Variants in C19orf81 observed in about 807,000 individuals in gnomAD.
The protein encoded by C19orf81 is putative uncharacterized protein C19orf81.
In C19orf81, 19 loss-of-function variants were observed where a neutral mutation model predicts 22.1. That is an observed-to-expected ratio of 0.86 (90% confidence interval 0.60 to 1.26). The LOEUF (loss-of-function observed/expected upper bound fraction) is 1.26, where lower values mean the gene tolerates loss of function less well. C19orf81 is among the 50% of genes most tolerant of loss of function. C19orf81 has a pLI of 0.00. For missense variants in C19orf81, 287 were observed against 280.7 expected (o/e 1.02, Z -0.16); for synonymous variants, 108 against 113.1 (o/e 0.95, Z 0.29).
intron 1 of C19orf81, among the ~76,000 whole-genome samples, chr19:50,652,998 G>C (rs1207800155): frequency 6.6e-6 from 1 of 152,162 alleles, no homozygotes; most frequent in African/African-American, 2.4e-5. Context: ...TACCTCGGAA[G>C]GTTGTTGTGA....
chr19:50,652,710 CACAG>C (rs1279571107), intron 1 of C19orf81, among the ~76,000 whole-genome samples: 5 of 152,154 alleles, frequency 3.3e-5, no homozygotes, highest in African/African-American at 1.2e-4. Flanking sequence ...TTATTCATCC[CACAG>C]ACAATGAAAA....
At chr19:50,650,904 C>T (rs141174779) in intron 1 of C19orf81, among the ~76,000 whole-genome samples, 228 of 152,332 alleles carry the variant, frequency 1.5e-3, no homozygotes, top group African/African-American at 5.0e-3. Context: ...GAGGCACCCA[C>T]GTGACATGTA....
intron 3 of C19orf81, among the ~76,000 whole-genome samples, chr19:50,656,948 TC>T (rs1485491413): frequency 9.1e-6 from 1 of 110,220 alleles, no homozygotes; most frequent in African/African-American, 4.2e-5. Context: ...TGAGACTCTG[TC>T]AAAAAAAAAA....
chr19:50,652,835 A>G lies in C19orf81; in HGVS notation c.68-3215A>G, dbSNP rs139611091. Among the ~76,000 whole-genome samples, 18 of 152,202 alleles carry G rather than the reference A, an allele frequency of 1.2e-4. 1 individual carries two copies. Among genetic ancestry groups the G allele is most frequent in the Admixed American group, 2.0e-4 (3 of 15,292 alleles). The stretch of plus-strand genomic sequence containing the variant: ...GGAGTTAGGAGACCAGGTGAGAGTG[A>G]GGTGAGAGGAAGGCACCTGGGGAGA... On this transcript the variant is annotated intron_variant, in intron 1 of 4. Transcript: ENST00000425202.
intron 1 of C19orf81, 155 bp downstream of exon 1, chr19:50,649,666 G>A (rs1174252583): frequency 1.2e-6 from 1 of 858,788 alleles, no homozygotes; most frequent in African/African-American, 1.7e-5. Context: ...CCTGGAGAGC[G>A]GCCCCCTTGG....
chr19:50,659,296 C>T lies in C19orf81; in HGVS notation c.*154C>T, dbSNP rs926414522. 8.5e-6 allele frequency: 5 copies of T among 586,556 alleles called. No individual in the cohort carries two copies. Among genetic ancestry groups the T allele is most frequent in the Non-Finnish European group, 1.3e-5 (5 of 397,984 alleles). The allele number at this position is 586,556 out of a possible 1,614,324, so 36.3% of individuals were successfully genotyped here. On this transcript the variant is annotated 3_prime_UTR_variant, in exon 5 of 5. Coordinates refer to ENST00000425202, the MANE Select transcript of C19orf81 (RefSeq NM_001195076.2). ...TGTGAGTTTAATTATAAAGAATGAC[C>T]TGGTACAAAAGCCATTTCTCTCTGC...
Position 50,658,141 on chromosome 19 carries a change from C to T in C19orf81, c.401+13C>T, listed in dbSNP as rs1985040201. 2 of 1,520,286 alleles carry T rather than the reference C, an allele frequency of 1.3e-6. No homozygotes were observed. The highest frequency in any genetic ancestry group is 1.8e-6 in the Non-Finnish European group (2 of 1,139,358). The allele number at this position is 1,520,286 out of a possible 1,614,324, so 94.2% of individuals were successfully genotyped here. On this transcript the variant is annotated intron_variant, in intron 4 of 4. Transcript: ENST00000425202. ...GGCGCCGGAACCGGTGAGTAAGCGG[C>T]GGGGGCGGGGCCTGGAGCGAGCGGG...
intron 4 of C19orf81, 32 bp downstream of exon 4, chr19:50,658,160 G>A: frequency 6.6e-7 from 1 of 1,516,410 alleles, no homozygotes; most frequent in Non-Finnish European, 8.8e-7. Context: ...GGCCTGGAGC[G>A]AGCGGGAGGG....
At chr19:50,654,813 G>A (rs1285519553) in intron 1 of C19orf81, among the ~76,000 whole-genome samples, 4 of 151,174 alleles carry the variant, frequency 2.6e-5, no homozygotes, top group Non-Finnish European at 4.4e-5. Flanking sequence ...ATTTTTTTTT[G>A]TAGAGATAGG....
In C19orf81 at chr19:50,659,089, G is replaced by C. The variant is rs908818056; in HGVS notation, c.544G>C (p.Val182Leu). 4.0e-6 allele frequency: 6 copies of C among 1,503,434 alleles called. No homozygotes were observed. In the African/African-American group the frequency reaches 5.7e-5, roughly 14 times the overall value. The allele number at this position is 1,503,434 out of a possible 1,614,324, so 93.1% of individuals were successfully genotyped here. The stretch of plus-strand genomic sequence containing the variant: ...CCGCCTGCACCTGCGCCGCTCCCTG[G>C]TCCGGCGGCGCATGCTCGAGGCCCT... ...DYRLHLRRSL[V>L]RRRMLEALGA... The change falls in exon 5 of 5, where the codon GTC becomes CTC. Residue 182 changes from valine (V) to leucine (L), a missense_variant. Val to Leu is a conservative substitution (Grantham distance 32). Transcript: ENST00000425202.
intron 1 of C19orf81, chr19:50,649,766 A>T: frequency 1.6e-6 from 1 of 611,624 alleles, no homozygotes; most frequent in Non-Finnish European, 3.1e-6. Context: ...TCTGGGGCCT[A>T]AGCAACACCT....
At position 50,656,357 on chromosome 19, in the gene C19orf81, C is replaced by T. The variant is rs1331904217; in HGVS notation, c.261+11C>T. 2 of 1,530,558 alleles carry T rather than the reference C, an allele frequency of 1.3e-6. No homozygotes were observed. The highest frequency in any genetic ancestry group is 1.7e-6 in the Non-Finnish European group (2 of 1,143,256). The allele number at this position is 1,530,558 out of a possible 1,614,324, so 94.8% of individuals were successfully genotyped here. A position where few individuals can be genotyped will look rare whatever the true frequency, so the allele number is the denominator to read the frequency against. On this transcript the variant is annotated intron_variant, in intron 3 of 4. Coordinates refer to ENST00000425202, the MANE Select transcript of C19orf81 (RefSeq NM_001195076.2). ...TGCATGGAGACCTTGGTGAGTGGAC[C>T]TGTGCCCTTATTTTCTGCACAGTTT...
In C19orf81 at chr19:50,659,160, G is replaced by A; in HGVS notation, c.*18G>A. ...AGGCCTGACGCCCGGGCGGGCCCCG[G>A]CAGCGCTTGCGCACCGCCCCGCGGG... On this transcript the variant is annotated 3_prime_UTR_variant, in exon 5 of 5. Transcript: ENST00000425202. The A allele has an allele frequency of 7.7e-7, 1 of 1,301,492 alleles. No individual in the cohort carries two copies. The highest frequency in any genetic ancestry group is 9.7e-7 in the Non-Finnish European group (1 of 1,026,496). 80.6% of individuals were successfully genotyped at this position (1,301,492 alleles called of 1,614,324 possible). A position where few individuals can be genotyped will look rare whatever the true frequency, so the allele number is the denominator to read the frequency against.
Position 50,656,213 on chromosome 19 carries a change from G to C in C19orf81, c.141-13G>C. On this transcript the variant is annotated splice_polypyrimidine_tract_variant and intron_variant, in intron 2 of 4. Coordinates refer to ENST00000425202, the MANE Select transcript of C19orf81 (RefSeq NM_001195076.2). ...TGACCTCAGAGGTCCCTGCCTGTTC[G>C]CTCTCTCCCTAGAAAGCAGTACCTG... is the stretch of plus-strand genomic sequence containing the variant. The C allele has an allele frequency of 1.3e-6, 2 of 1,536,010 alleles. No homozygotes were observed. The highest frequency in any genetic ancestry group is 1.7e-6 in the Non-Finnish European group (2 of 1,146,806).
Position 50,659,143 on chromosome 19 carries a change from C to A in C19orf81, c.*1C>A. ...GGCGGAGCCGAACGAGGAGGCCTGA[C>A]GCCCGGGCGGGCCCCGGCAGCGCTT... is the stretch of plus-strand genomic sequence containing the variant. On this transcript the variant is annotated 3_prime_UTR_variant, in exon 5 of 5. Transcript: ENST00000425202. 1 of 1,339,182 alleles carries A rather than the reference C, an allele frequency of 7.5e-7. No individual in the cohort carries two copies. Among genetic ancestry groups the A allele is most frequent in the East Asian group, 3.1e-5 (1 of 32,372 alleles). 83.0% of individuals were successfully genotyped at this position (1,339,182 alleles called of 1,614,324 possible). A position where few individuals can be genotyped will look rare whatever the true frequency, so the allele number is the denominator to read the frequency against.
At chr19:50,654,466 C>CT (rs971678795) in intron 1 of C19orf81, among the ~76,000 whole-genome samples, 82 of 150,386 alleles carry the variant, frequency 5.5e-4, no homozygotes, top group African/African-American at 2.0e-3. Context: ...ACACACCCGG[C>CT]TTTTTTGTAT....
At chr19:50,653,787 G>A (rs1227797405) in intron 1 of C19orf81, among the ~76,000 whole-genome samples, 4 of 150,222 alleles carry the variant, frequency 2.7e-5, no homozygotes, top group Non-Finnish European at 5.9e-5. Flanking sequence ...TGTTAGAGCC[G>A]GGCTGTGTCA....
At position 50,656,302 on chromosome 19, in the gene C19orf81, A is replaced by C; in HGVS notation, c.217A>C (p.Thr73Pro). 1 of 1,536,152 alleles carries C rather than the reference A, an allele frequency of 6.5e-7. No individual in the cohort carries two copies. The highest frequency in any genetic ancestry group is 1.2e-5 in the South Asian group (1 of 84,054). The change falls in exon 3 of 5, where the codon ACA (threonine) becomes CCA (proline). Residue 73 changes from threonine to proline, a missense_variant. Physicochemically the swap from Thr to Pro is conservative, Grantham distance 38 (BLOSUM62 -1). Coordinates refer to ENST00000425202, the MANE Select transcript of C19orf81 (RefSeq NM_001195076.2). ...RELPCIRKFP[T>P]PPASQPLCLC... is the part of the protein sequence containing the mutation. ...ACTCCCGTGCATCCGGAAGTTCCCC[A>C]CACCACCAGCTTCCCAGCCCCTCTG...
Position 50,651,107 on chromosome 19 carries a change from C to T in C19orf81, c.67+1596C>T, listed in dbSNP as rs1319773633. ...AGCCCCTGGGTCCCAAGCATTTTGC[C>T]TGTAGTGCCTAATGGATGAAACGGC... On this transcript the variant is annotated intron_variant, in intron 1 of 4. Coordinates refer to ENST00000425202, the MANE Select transcript of C19orf81 (RefSeq NM_001195076.2). Among the ~76,000 whole-genome samples, 4 of 152,226 alleles carry T rather than the reference C, an allele frequency of 2.6e-5. No homozygotes were observed. In the East Asian group the frequency reaches 7.7e-4, roughly 29 times the overall value.
Sources: gnomAD v4.1 joint callset for allele counts (sites outside exome capture counted in the v4.1 genomes callset) on GRCh38, gnomAD v4.1.1 for gene constraint, MANE v1.5 for transcripts, NCBI Gene and HGNC (gene_info 2026-07-23, HGNC 2026-07-21) for gene names.